Variants in ADAMTS3 observed in about 807,000 individuals in gnomAD.
ADAMTS3 encodes the protein ADAM metallopeptidase with thrombospondin type 1 motif 3, also known as A disintegrin and metalloproteinase with thrombospondin motifs 3.
Under a neutral mutation model 129.0 loss-of-function variants are expected in ADAMTS3, and 73 were observed. That is an observed-to-expected ratio of 0.57 (90% CI 0.47 to 0.69). The LOEUF (loss-of-function observed/expected upper bound fraction) is 0.69. Among genes scored for constraint, ADAMTS3 ranks in the 30% least tolerant of loss-of-function variants. The probability of loss-of-function intolerance (pLI) is 0.00; values close to 1 mark genes in which losing one functional copy is unlikely to be tolerated. For missense variants in ADAMTS3, 1,457 were observed against 1,514.5 expected, an observed-to-expected ratio of 0.96 and a Z score of 0.63; for synonymous variants, 477 against 510.8, an observed-to-expected ratio of 0.93 and a Z score of 0.89.
intron 5 of ADAMTS3, among the ~76,000 whole-genome samples, chr4:72,338,721 T>A (rs1226004926): frequency 6.6e-6 from 1 of 152,092 alleles, no homozygotes; most frequent in East Asian, 1.9e-4. Flanking sequence ...AAGATCAATA[T>A]AATATATATT....
intron 4 of ADAMTS3, among the ~76,000 whole-genome samples, chr4:72,342,654 G>A (rs903562140): frequency 6.6e-6 from 1 of 152,090 alleles, no homozygotes; most frequent in African/African-American, 2.4e-5. Flanking sequence ...TTATAGGCGT[G>A]AGCCACCACA....
chr4:72,463,890 A>G (rs1353478605), intron 3 of ADAMTS3, among the ~76,000 whole-genome samples: 1 of 151,842 alleles, frequency 6.6e-6, no homozygotes, highest in African/African-American at 2.4e-5. Flanking sequence ...TGTTTCATCA[A>G]TTTAACATCC....
intron 3 of ADAMTS3, among the ~76,000 whole-genome samples, chr4:72,469,863 G>T (rs59369294): frequency 6.6e-6 from 1 of 151,990 alleles, no homozygotes; most frequent in Non-Finnish European, 1.5e-5. Context: ...TTACGTTATT[G>T]TAAGAATACA....
chr4:72,315,822 A>G, intron 11 of ADAMTS3, 36 bp downstream of exon 11: 1 of 1,330,198 alleles, frequency 7.5e-7, no homozygotes. Flanking sequence ...TATGCAACAT[A>G]TCTTACATAT....
At chr4:72,523,970 T>C (rs1396235606) in intron 3 of ADAMTS3, among the ~76,000 whole-genome samples, 2 of 148,308 alleles carry the variant, frequency 1.3e-5, no homozygotes, top group Admixed American at 6.6e-5. Flanking sequence ...TTCTTTTCTA[T>C]TGTTAGGAAA....
intron 3 of ADAMTS3, among the ~76,000 whole-genome samples, chr4:72,508,857 G>A (rs1015782098): frequency 2.0e-5 from 3 of 151,956 alleles, no homozygotes; most frequent in African/African-American, 7.2e-5. Flanking sequence ...TATGCCCATG[G>A]ATAGACCATA....
At chr4:72,372,391 C>A (rs1211307780) in intron 4 of ADAMTS3, among the ~76,000 whole-genome samples, 2 of 151,944 alleles carry the variant, frequency 1.3e-5, no homozygotes, top group East Asian at 1.9e-4. Context: ...AATGAAAAAA[C>A]CAATATTATT....
chr4:72,392,777 C>G (rs1346855534), intron 4 of ADAMTS3, among the ~76,000 whole-genome samples: 3 of 151,850 alleles, frequency 2.0e-5, no homozygotes, highest in Non-Finnish European at 2.9e-5. Context: ...ATTTTTTTCA[C>G]TTTATTTTTA....
At chr4:72,323,212 T>G in intron 5 of ADAMTS3, 115 bp from the exon 6 acceptor site, 1 of 767,882 alleles carries the variant, frequency 1.3e-6, no homozygotes, top group South Asian at 1.6e-5. Flanking sequence ...GTTTTTAAAT[T>G]GAGTTTAATA....
chr4:72,536,330 G>C (rs926686116), intron 3 of ADAMTS3, among the ~76,000 whole-genome samples: 1 of 152,102 alleles, frequency 6.6e-6, no homozygotes, highest in African/African-American at 2.4e-5. Context: ...ACGTAGAAAA[G>C]GTTATCTTAA....
At chr4:72,291,728 T>C (rs887350735) in intron 19 of ADAMTS3, among the ~76,000 whole-genome samples, 1 of 152,016 alleles carries the variant, frequency 6.6e-6, no homozygotes, top group Non-Finnish European at 1.5e-5. Flanking sequence ...CATGTGTCTT[T>C]ATAGAAGCAT....
intron 4 of ADAMTS3, among the ~76,000 whole-genome samples, chr4:72,384,044 C>A (rs1052175971): frequency 9.2e-5 from 14 of 151,708 alleles, no homozygotes; most frequent in Admixed American, 2.0e-4. Flanking sequence ...ATCAAGTGGA[C>A]AAGTTTAACA....
intron 2 of ADAMTS3, 131 bp downstream of exon 2, chr4:72,567,243 A>T: frequency 1.1e-6 from 1 of 897,038 alleles, no homozygotes; most frequent in South Asian, 1.6e-5. Context: ...AAGAACAGAA[A>T]TGTTTCCGGA....
At chr4:72,524,708 T>A (rs1014722606) in intron 3 of ADAMTS3, among the ~76,000 whole-genome samples, 2 of 152,162 alleles carry the variant, frequency 1.3e-5, no homozygotes, top group African/African-American at 4.8e-5. Flanking sequence ...TTAAATAAAA[T>A]CTTCATTGTT....
At chr4:72,475,964 A>G (rs1037278435) in intron 3 of ADAMTS3, among the ~76,000 whole-genome samples, 3 of 152,038 alleles carry the variant, frequency 2.0e-5, no homozygotes, top group Non-Finnish European at 2.9e-5. Context: ...TGTGGGACAC[A>G]GTTAAAGCAG....
At chr4:72,567,467 T>G in intron 1 of ADAMTS3, 66 bp from the exon 2 acceptor site, 1 of 1,512,706 alleles carries the variant, frequency 6.6e-7, no homozygotes, top group Non-Finnish European at 9.2e-7. Context: ...CTTGTGAGTT[T>G]TATTTCTACC....
intron 3 of ADAMTS3, among the ~76,000 whole-genome samples, chr4:72,516,244 G>A (rs562700942): frequency 6.6e-5 from 10 of 152,130 alleles, no homozygotes; most frequent in African/African-American, 9.7e-5. Flanking sequence ...CTGTGGCCTT[G>A]TAGTATAGTT....
intron 4 of ADAMTS3, among the ~76,000 whole-genome samples, chr4:72,392,119 G>A (rs375348210): frequency 4.6e-5 from 7 of 152,086 alleles, no homozygotes; most frequent in African/African-American, 1.7e-4. Context: ...CAACAGAGAA[G>A]TGACCCCTTA....
At chr4:72,398,283 G>A (rs570344169) in intron 4 of ADAMTS3, among the ~76,000 whole-genome samples, 138 of 152,246 alleles carry the variant, frequency 9.1e-4, no homozygotes, top group African/African-American at 2.8e-3. Context: ...TCTGCCAGGC[G>A]TGGTGGCTCA....
Sources: gnomAD v4.1 joint callset for allele counts (sites outside exome capture counted in the v4.1 genomes callset) on GRCh38, gnomAD v4.1.1 for gene constraint, MANE v1.5 for transcripts, NCBI Gene and HGNC (gene_info 2026-07-23, HGNC 2026-07-21) for gene names.